TIMM23: variants seen among roughly 807,000 people sequenced by gnomAD.
TIMM23 encodes the protein translocase of inner mitochondrial membrane 23, also known as mitochondrial import inner membrane translocase subunit Tim23.
Under a neutral mutation model 30.7 loss-of-function variants are expected in TIMM23, and 19 were observed. The ratio of observed to expected loss-of-function variants is 0.62; its 90% CI spans 0.43 to 0.91. The LOEUF is 0.91. TIMM23 is among the 40% of genes least tolerant of loss of function. TIMM23 has a pLI of 0.00. For missense variants in TIMM23, 202 were observed against 269.2 expected (o/e 0.75, Z 1.75); for synonymous variants, 78 against 98.5 (o/e 0.79, Z 1.23).
At chr10:45,980,552 T>C (rs1398336045) in intron 2 of TIMM23, among the ~76,000 whole-genome samples, 1 of 152,108 alleles carries the variant, frequency 6.6e-6, no homozygotes, top group Non-Finnish European at 1.5e-5. Context: ...ATAAGGAAAA[T>C]TTAAATATTT....
Position 46,002,810 on chromosome 10 carries a change from ATTT to A in TIMM23, c.515-371_515-369del, listed in dbSNP as rs386371331. ...TAAAATGGTCTCTCCATTTCATAGT[ATTT>A]TTTTTTTTTTTTTTTTTTTTTGACG... is the stretch of plus-strand genomic sequence containing the variant. On this transcript the variant is annotated intron_variant, in intron 6 of 6. Coordinates refer to ENST00000580018, the MANE Select transcript of TIMM23 (RefSeq NM_006327.4). Among the ~76,000 whole-genome samples the A allele has an allele frequency of 2.4e-3, 227 of 95,058 alleles. 2 individuals are homozygous for A. The East Asian group carries it at 0.026, about 11-fold the overall frequency. The allele number at this position is 95,058 out of a possible 152,430, so 62.4% of individuals were successfully genotyped here.
chr10:45,993,244 C>CTTTTTTTTTGTTT (rs1838222259), intron 6 of TIMM23, among the ~76,000 whole-genome samples: 1 of 72,062 alleles, frequency 1.4e-5, no homozygotes, highest in African/African-American at 6.8e-5. Context: ...TCTACCATCA[C>CTTTTTTTTTGTTT]TTTTTTTTTT....
chr10:45,987,051 A>G (rs1838012223), intron 5 of TIMM23, among the ~76,000 whole-genome samples: 1 of 152,076 alleles, frequency 6.6e-6, no homozygotes, highest in Admixed American at 6.6e-5. Flanking sequence ...TTTTTAAGTG[A>G]CTGTATAGTA....
intron 6 of TIMM23, among the ~76,000 whole-genome samples, chr10:46,000,469 C>T (rs1838494787): frequency 6.6e-6 from 1 of 152,220 alleles, no homozygotes; most frequent in Non-Finnish European, 1.5e-5. Context: ...GTCCGCCCAC[C>T]TTGGCCTTCC....
At chr10:45,991,506 C>G (rs1191317543) in intron 6 of TIMM23, among the ~76,000 whole-genome samples, 2 of 152,134 alleles carry the variant, frequency 1.3e-5, no homozygotes, top group African/African-American at 4.8e-5. Context: ...AATCCCAGCA[C>G]TTTGGGAGGC....
In TIMM23 at chr10:45,972,598, G is replaced by A. The variant is rs376212468; in HGVS notation, c.-27G>A. On this transcript the variant is annotated 5_prime_UTR_variant, in exon 1 of 7. Transcript: ENST00000580018. Reference sequence around the variant, plus strand: ...GACCACCCAGGCTTGAGGCAGCGGCGGGAACCACTCGGTTTGCTGCGATAC... The same window carrying A: ...GACCACCCAGGCTTGAGGCAGCGGCAGGAACCACTCGGTTTGCTGCGATAC... 8,088 of 1,597,992 alleles carry A rather than the reference G, an allele frequency of 5.1e-3. 314 individuals carry two copies. The African/African-American group carries it at 0.092, about 18-fold the overall frequency.
chr10:46,003,351 C>G lies in TIMM23; in HGVS notation c.*33C>G, dbSNP rs782424506. The G allele has an allele frequency of 1.4e-6, 2 of 1,403,264 alleles. No homozygotes were observed. The highest frequency in any genetic ancestry group is 2.3e-5 in the East Asian group (1 of 43,742). The allele number at this position is 1,403,264 out of a possible 1,614,324, so 86.9% of individuals were successfully genotyped here. On this transcript the variant is annotated 3_prime_UTR_variant, in exon 7 of 7. Coordinates refer to ENST00000580018, the MANE Select transcript of TIMM23 (RefSeq NM_006327.4). ...GCCAACTCATGAATGGAGGACACTTCAGTAGTCATCTAGATCCTTTTATAA... is the reference window on the plus strand; with the variant it reads ...GCCAACTCATGAATGGAGGACACTTGAGTAGTCATCTAGATCCTTTTATAA...
At chr10:45,979,821 A>AT (rs1469510245) in intron 2 of TIMM23, among the ~76,000 whole-genome samples, 2 of 151,764 alleles carry the variant, frequency 1.3e-5, no homozygotes, top group Non-Finnish European at 2.9e-5. Context: ...GTGTTCATTG[A>AT]TTTTTTTACT....
At chr10:46,000,084 CAA>C (rs1838480806) in intron 6 of TIMM23, among the ~76,000 whole-genome samples, 1 of 152,126 alleles carries the variant, frequency 6.6e-6, no homozygotes, top group South Asian at 2.1e-4. Context: ...CATATTTGTT[CAA>C]ACACACATGC....
chr10:45,976,117 G>T (rs1352171190), intron 2 of TIMM23, among the ~76,000 whole-genome samples: 1 of 152,030 alleles, frequency 6.6e-6, no homozygotes, highest in African/African-American at 2.4e-5. Context: ...GTATCTTTTT[G>T]AATCCAAGAT....
At chr10:45,991,543 G>A (rs1301349766) in intron 6 of TIMM23, among the ~76,000 whole-genome samples, 1 of 152,174 alleles carries the variant, frequency 6.6e-6, no homozygotes, top group African/African-American at 2.4e-5. Context: ...CCTGAGGTCA[G>A]GAGTTCAAGA....
chr10:45,985,213 T>C (rs1837959407), intron 4 of TIMM23, among the ~76,000 whole-genome samples, 170 bp from the exon 5 acceptor site: 1 of 152,152 alleles, frequency 6.6e-6, no homozygotes, highest in Non-Finnish European at 1.5e-5. Context: ...TTTTCACTTA[T>C]GTAGAGTAAA....
intron 6 of TIMM23, chr10:45,992,692 G>A (rs587775478): frequency 1.6e-5 from 6 of 368,086 alleles, no homozygotes; most frequent in South Asian, 1.3e-4. Context: ...CAAGTAGCTG[G>A]GATTACAGAT....
intron 5 of TIMM23, among the ~76,000 whole-genome samples, chr10:45,986,875 G>GA (rs1286415900): frequency 6.6e-6 from 1 of 151,924 alleles, no homozygotes; most frequent in African/African-American, 2.4e-5. Context: ...GCATATAAAT[G>GA]AAAATTTTAA....
In TIMM23 at chr10:45,972,511, G is replaced by T. The variant is rs1217731747; in HGVS notation, c.-114G>T. ...GGGAACCGGCGCCCGGAAGGTCAGCGTGTGAAGTAGGCGCTGGCAACGCGG... is the reference window on the plus strand; with the variant it reads ...GGGAACCGGCGCCCGGAAGGTCAGCTTGTGAAGTAGGCGCTGGCAACGCGG... On this transcript the variant is annotated 5_prime_UTR_variant, in exon 1 of 7. Transcript: ENST00000580018. 6.9e-7 allele frequency: 1 copy of T among 1,447,108 alleles called. No homozygotes were observed. The highest frequency in any genetic ancestry group is 2.5e-5 in the Admixed American group (1 of 40,060). The allele number at this position is 1,447,108 out of a possible 1,614,324, so 89.6% of individuals were successfully genotyped here.
chr10:45,988,735 A>G lies in TIMM23; in HGVS notation c.404-2A>G. ...CACTGAGCACTTCCATTTCCTCTTTAGCTTTGCTCTATAGTGCATTTGGTG... is the reference window on the plus strand; with the variant it reads ...CACTGAGCACTTCCATTTCCTCTTTGGCTTTGCTCTATAGTGCATTTGGTG... On this transcript the variant is annotated splice_acceptor_variant, in intron 5 of 6. Transcript: ENST00000580018. LOFTEE classifies it high-confidence loss of function. 1 of 1,613,784 alleles carries G rather than the reference A, an allele frequency of 6.2e-7. No homozygotes were observed. The highest frequency in any genetic ancestry group is 8.5e-7 in the Non-Finnish European group (1 of 1,179,778).
At chr10:45,993,895 GTGAAA>G (rs1458945077) in intron 6 of TIMM23, among the ~76,000 whole-genome samples, 4 of 151,878 alleles carry the variant, frequency 2.6e-5, no homozygotes, top group Admixed American at 6.6e-5. Context: ...GAAACACCGG[GTGAAA>G]TGAAATGAAA....
At position 46,003,725 on chromosome 10, in the gene TIMM23, A is replaced by G. The variant is rs781214717; in HGVS notation, c.*407A>G. On this transcript the variant is annotated 3_prime_UTR_variant, in exon 7 of 7. Transcript: ENST00000580018. ...AAAGGGTAAAAACAGAACCAAAGTT[A>G]TAACTCCAACACACAAACATAGTGG... The G allele has an allele frequency of 6.5e-6, 1 of 154,744 alleles. No individual in the cohort carries two copies. Among genetic ancestry groups the G allele is most frequent in the African/African-American group, 2.4e-5 (1 of 41,530 alleles). 9.6% of individuals were successfully genotyped at this position (154,744 alleles called of 1,614,324 possible). A position where few individuals can be genotyped will look rare whatever the true frequency, so the allele number is the denominator to read the frequency against.
intron 6 of TIMM23, chr10:45,990,600 T>C: frequency 2.7e-6 from 1 of 373,814 alleles, no homozygotes; most frequent in Non-Finnish European, 5.1e-6. Context: ...TTTTTTTTTC[T>C]TTATCGGAGA....
Sources: allele counts gnomAD v4.1 joint callset (sites outside exome capture counted in the v4.1 genomes callset), GRCh38; gene constraint gnomAD v4.1.1; transcripts MANE v1.5; gene names NCBI Gene and HGNC (gene_info 2026-07-23, HGNC 2026-07-21).